LOC128092252: variants seen among roughly 807,000 people sequenced by gnomAD.
chr15:50,685,845 C>A, the LOC128092252 span, among the ~76,000 whole-genome samples: 81,956 of 151,980 alleles, frequency 0.54, 22,308 homozygotes, highest in Admixed American at 0.62. Flanking sequence ...GCAAGGGATG[C>A]GGTAGTTCGA....
At chr15:50,652,762 A>T in the LOC128092252 span, among the ~76,000 whole-genome samples, 3 of 152,140 alleles carry the variant, frequency 2.0e-5, no homozygotes, top group African/African-American at 7.2e-5. Flanking sequence ...GCTACTTAGG[A>T]GGCTGAGGTG....
chr15:50,653,240 G>T, the LOC128092252 span, among the ~76,000 whole-genome samples: 1 of 152,146 alleles, frequency 6.6e-6, no homozygotes, highest in Non-Finnish European at 1.5e-5. Flanking sequence ...AGCTTGAGCC[G>T]AGGACTTCAA....
At chr15:50,679,298 G>A in the LOC128092252 span, among the ~76,000 whole-genome samples, 4 of 149,448 alleles carry the variant, frequency 2.7e-5, no homozygotes, top group Non-Finnish European at 4.4e-5. Flanking sequence ...TGATGTCACT[G>A]CACTCTGACA....
chr15:50,677,222 C>T, the LOC128092252 span, among the ~76,000 whole-genome samples: 1 of 152,130 alleles, frequency 6.6e-6, no homozygotes, highest in Non-Finnish European at 1.5e-5. Flanking sequence ...TGAATAAGCT[C>T]TCTGGTATCT....
the LOC128092252 span, among the ~76,000 whole-genome samples, chr15:50,676,971 T>C: frequency 6.6e-6 from 1 of 152,208 alleles, no homozygotes; most frequent in Non-Finnish European, 1.5e-5. Flanking sequence ...ATATTCCTGC[T>C]GCCCATTGTA....
At chr15:50,660,901 A>G in the LOC128092252 span, among the ~76,000 whole-genome samples, 398 of 152,354 alleles carry the variant, frequency 2.6e-3, 1 homozygote, top group African/African-American at 9.3e-3. Flanking sequence ...TAAAAATCGA[A>G]AACAACTAAA....
chr15:50,672,453 C>A, the LOC128092252 span, among the ~76,000 whole-genome samples: 9 of 151,956 alleles, frequency 5.9e-5, no homozygotes, highest in South Asian at 1.9e-3. Context: ...ATGACAACTC[C>A]ATTCATGTTA....
At chr15:50,671,460 T>G in the LOC128092252 span, among the ~76,000 whole-genome samples, 6 of 152,184 alleles carry the variant, frequency 3.9e-5, no homozygotes, top group Non-Finnish European at 7.3e-5. Flanking sequence ...AGGTCAATGA[T>G]GGACCGCATA....
chr15:50,661,634 G>A, the LOC128092252 span, among the ~76,000 whole-genome samples: 1 of 152,074 alleles, frequency 6.6e-6, no homozygotes, highest in African/African-American at 2.4e-5. Flanking sequence ...CAAGAATAGT[G>A]ACATATTCTA....
chr15:50,674,916 C>T, the LOC128092252 span, among the ~76,000 whole-genome samples: 5 of 152,134 alleles, frequency 3.3e-5, no homozygotes, highest in Admixed American at 2.6e-4. Flanking sequence ...AGAGTTGTTT[C>T]TCATTGGCAA....
the LOC128092252 span, among the ~76,000 whole-genome samples, chr15:50,650,239 A>C: frequency 1.3e-5 from 2 of 150,962 alleles, no homozygotes; most frequent in African/African-American, 4.9e-5. Flanking sequence ...TACTTAAGGC[A>C]AAGTTAAAAG....
chr15:50,686,680 T>C, the LOC128092252 span: 19 of 1,054,568 alleles, frequency 1.8e-5, 1 homozygote, highest in Non-Finnish European at 2.4e-5. Flanking sequence ...CAGAACTAAC[T>C]CAGCTCCGGC....
chr15:50,686,572 ACCT>A, the LOC128092252 span: 39 of 1,601,884 alleles, frequency 2.4e-5, no homozygotes, highest in East Asian at 9.2e-5. Flanking sequence ...CAGCAACTCC[ACCT>A]CCTCCTCCTC....
chr15:50,668,304 C>T, the LOC128092252 span, among the ~76,000 whole-genome samples: 5 of 152,248 alleles, frequency 3.3e-5, no homozygotes, highest in South Asian at 2.1e-4. Flanking sequence ...ATGTAAGACT[C>T]ATCTTTTTTA....
chr15:50,684,530 A>G, the LOC128092252 span, among the ~76,000 whole-genome samples: 1 of 151,880 alleles, frequency 6.6e-6, no homozygotes. Flanking sequence ...AGTCCCAGCT[A>G]CTCGGGAGGC....
At chr15:50,668,067 T>C in the LOC128092252 span, among the ~76,000 whole-genome samples, 1 of 152,252 alleles carries the variant, frequency 6.6e-6, no homozygotes, top group East Asian at 1.9e-4. Flanking sequence ...TGACTATGGC[T>C]GTCCTAAGAC....
the LOC128092252 span, among the ~76,000 whole-genome samples, chr15:50,668,260 T>C: frequency 3.3e-5 from 5 of 152,244 alleles, no homozygotes; most frequent in South Asian, 1.0e-3. Context: ...TGTTCACGTG[T>C]ATCAAACAGG....
the LOC128092252 span, among the ~76,000 whole-genome samples, chr15:50,680,787 T>A: frequency 1.3e-5 from 2 of 152,214 alleles, no homozygotes; most frequent in South Asian, 4.1e-4. Context: ...CAAATATACA[T>A]GTCCCTGAAT....
the LOC128092252 span, among the ~76,000 whole-genome samples, chr15:50,655,430 C>G: frequency 7.4e-6 from 1 of 134,240 alleles, no homozygotes; most frequent in Non-Finnish European, 1.6e-5. Flanking sequence ...AAGACTCCAT[C>G]TCAAAGGAAA....
Sources: gnomAD v4.1 joint callset for allele counts (sites outside exome capture counted in the v4.1 genomes callset) on GRCh38, gnomAD v4.1.1 for gene constraint, MANE v1.5 for transcripts.